DPYD: variants seen among roughly 807,000 people sequenced by gnomAD.
The protein encoded by DPYD is dihydropyrimidine dehydrogenase.
DPYD carries 109 observed loss-of-function variants against 116.2 expected under a neutral mutation model. The observed-to-expected ratio is 0.94, with a 90% CI of 0.80 to 1.10. DPYD has a LOEUF of 1.10. Among genes scored for constraint, DPYD ranks in the 50% least tolerant of loss-of-function variants. DPYD has a pLI of 0.00. For synonymous variants in DPYD, 440 were observed against 432.0 expected (o/e 1.02, Z -0.23); for missense variants, 1,302 against 1,254.5 (o/e 1.04, Z -0.57).
At chr1:97,267,357 T>C (rs992928637) in intron 18 of DPYD, among the ~76,000 whole-genome samples, 12 of 152,310 alleles carry the variant, frequency 7.9e-5, no homozygotes, top group African/African-American at 2.4e-4. Flanking sequence ...TCATATCCTT[T>C]GCCCACTTTT....
chr1:97,246,356 C>T (rs904428840), intron 18 of DPYD, among the ~76,000 whole-genome samples: 2 of 152,038 alleles, frequency 1.3e-5, no homozygotes, highest in Admixed American at 6.6e-5. Context: ...GTTCACATGC[C>T]CAATTTTGTG....
rs1483731078 is a variant in DPYD, at chr1:97,130,826, TTTC to T, written c.2623-32197_2623-32195del. Among the ~76,000 whole-genome samples, 68 of 33,312 alleles carry T rather than the reference TTTC, an allele frequency of 2.0e-3. 1 individual carries two copies. Among genetic ancestry groups the T allele is most frequent in the South Asian group, 8.8e-3 (14 of 1,584 alleles). The allele number at this position is 33,312 out of a possible 152,430, so 21.9% of individuals were successfully genotyped here. On this transcript the variant is annotated intron_variant, in intron 20 of 22. Coordinates refer to ENST00000370192, the MANE Select transcript of DPYD (RefSeq NM_000110.4). ...CCCTCTTTCTTTCTTTCTTCCTTTCTTTCTTCTTTCTCCTTCCTTCCTTCCTTC... is the reference window on the plus strand; with the variant it reads ...CCCTCTTTCTTTCTTTCTTCCTTTCTTTCTTTCTCCTTCCTTCCTTCCTTC...
intron 8 of DPYD, among the ~76,000 whole-genome samples, chr1:97,599,282 T>C (rs1334869534): frequency 6.6e-6 from 1 of 152,198 alleles, no homozygotes; most frequent in African/African-American, 2.4e-5. Context: ...AGCACCTCCC[T>C]CTGGAACAAC....
intron 20 of DPYD, among the ~76,000 whole-genome samples, chr1:97,104,744 C>CT (rs1038746620): frequency 4.6e-5 from 7 of 152,232 alleles, no homozygotes; most frequent in African/African-American, 1.7e-4. Context: ...AGCCAATGGA[C>CT]TGCTAACCCT....
intron 18 of DPYD, 100 bp downstream of exon 18, chr1:97,305,159 G>T (rs34534958): frequency 0.02 from 30,696 of 1,560,660 alleles, 390 homozygotes; most frequent in South Asian, 0.027. Flanking sequence ...TGAGTTATAA[G>T]AATTTGGGAT....
Position 97,098,546 on chromosome 1 carries a change from A to T in DPYD, c.2709T>A (p.Ala903=). The change falls in exon 21 of 23, where the codon GCT becomes GCA. Residue 903 remains alanine (A), a synonymous_variant. Coordinates refer to ENST00000370192, the MANE Select transcript of DPYD (RefSeq NM_000110.4). The part of the protein sequence containing the change: ...NKIRLKEQNV[A]FSPLKRNCFI... ...AACAGTTTCTCTTAAGTGGTGAAAA[A>T]GCTACATTTTGTTCTTTCAGTCTAA... The T allele has an allele frequency of 6.2e-7, 1 of 1,613,210 alleles. No individual in the cohort carries two copies. Among genetic ancestry groups the T allele is most frequent in the South Asian group, 1.1e-5 (1 of 91,062 alleles).
intron 13 of DPYD, among the ~76,000 whole-genome samples, chr1:97,465,781 A>G (rs1340329939): frequency 6.6e-6 from 1 of 152,168 alleles, no homozygotes; most frequent in Non-Finnish European, 1.5e-5. Flanking sequence ...GGACTAATAC[A>G]TGTGTAAAAC....
rs140602333 is a variant in DPYD at position 97,573,919 on chromosome 1, G to A, written c.1180C>T (p.Arg394Trp). 2.9e-5 allele frequency: 47 copies of A among 1,613,618 alleles called. 1 individual carries two copies. Among genetic ancestry groups the A allele is most frequent in the Admixed American group, 2.7e-4 (16 of 59,982 alleles). Residue 394 changes from arginine (R) to tryptophan (W), a missense_variant, in exon 11 of 23, where the codon CGG becomes TGG. By Grantham distance (101) the Arg-to-Trp change is moderately radical. Transcript: ENST00000370192. The part of the protein sequence containing the change: ...KCEFLPFLSP[R>W]KVIVKGGRIV... ...CTCCCACCTTTTACTATAACCTTCC[G>A]TGGGGACAGGAATGGCAGAAATTCA...
intron 18 of DPYD, among the ~76,000 whole-genome samples, chr1:97,254,695 T>C (rs1663335764): frequency 6.6e-6 from 1 of 152,170 alleles, no homozygotes; most frequent in African/African-American, 2.4e-5. Context: ...AAACCTATTA[T>C]TTAAAAACTT....
chr1:97,360,993 T>TA (rs907970966), intron 16 of DPYD, among the ~76,000 whole-genome samples: 3 of 151,836 alleles, frequency 2.0e-5, no homozygotes, highest in African/African-American at 7.3e-5. Context: ...AAAATATCCT[T>TA]AAAAAAATCA....
intron 1 of DPYD, among the ~76,000 whole-genome samples, chr1:97,898,295 A>C (rs1485738494): frequency 6.6e-6 from 1 of 151,760 alleles, no homozygotes. Flanking sequence ...GCTGATCTGC[A>C]GGTTTCTCTC....
Position 97,271,748 on chromosome 1 carries a change from G to A in DPYD, c.2299+33511C>T, listed in dbSNP as rs149077655. On this transcript the variant is annotated intron_variant, in intron 18 of 22. Coordinates refer to ENST00000370192, the MANE Select transcript of DPYD (RefSeq NM_000110.4). ...TACCTTACCACATCCTCAAATAGCT[G>A]CATTCTCCTTTCTCCCACTTGGTGA... Among the ~76,000 whole-genome samples the A allele has an allele frequency of 5.0e-4, 75 of 150,408 alleles. 2 individuals are homozygous for A. The South Asian group carries it at 0.014, about 28-fold the overall frequency.
intron 2 of DPYD, among the ~76,000 whole-genome samples, chr1:97,843,617 T>C (rs887982681): frequency 1.3e-5 from 2 of 152,214 alleles, no homozygotes; most frequent in African/African-American, 4.8e-5. Context: ...CCTTGTTTGA[T>C]GGAATACCTA....
intron 7 of DPYD, among the ~76,000 whole-genome samples, chr1:97,683,695 C>A (rs1660554621): frequency 1.3e-5 from 2 of 151,862 alleles, no homozygotes; most frequent in African/African-American, 4.8e-5. Flanking sequence ...AAAGGGAATA[C>A]CCAATTTTAT....
At chr1:97,880,388 T>C (rs1005504046) in intron 2 of DPYD, among the ~76,000 whole-genome samples, 17 of 151,858 alleles carry the variant, frequency 1.1e-4, no homozygotes, top group African/African-American at 3.6e-4. Flanking sequence ...AAACAAACCA[T>C]ATGTTTTGGT....
intron 7 of DPYD, among the ~76,000 whole-genome samples, chr1:97,680,004 T>C (rs1660350003): frequency 6.6e-6 from 1 of 152,146 alleles, no homozygotes; most frequent in African/African-American, 2.4e-5. Flanking sequence ...TCAGTAATAC[T>C]GATACTTGGA....
intron 20 of DPYD, among the ~76,000 whole-genome samples, chr1:97,171,675 C>A (rs891935034): frequency 2.0e-5 from 3 of 152,136 alleles, no homozygotes; most frequent in African/African-American, 7.2e-5. Context: ...AAGTAGATAA[C>A]ACAAAAAGCC....
chr1:97,442,354 T>C (rs1251828688), intron 14 of DPYD, among the ~76,000 whole-genome samples: 1 of 149,304 alleles, frequency 6.7e-6, no homozygotes. Flanking sequence ...CCAGTCTCCA[T>C]TTCCATCTAG....
intron 14 of DPYD, 150 bp downstream of exon 14, chr1:97,449,909 T>C: frequency 9.8e-7 from 1 of 1,023,252 alleles, no homozygotes; most frequent in African/African-American, 1.6e-5. Context: ...TTTTCTTTCT[T>C]TTTTATCTTT....
Sources: allele counts gnomAD v4.1 joint callset (sites outside exome capture counted in the v4.1 genomes callset), GRCh38; gene constraint gnomAD v4.1.1; transcripts MANE v1.5; gene names NCBI Gene and HGNC (gene_info 2026-07-23, HGNC 2026-07-21).